Variants in HDAC1 observed in about 807,000 individuals in gnomAD.
The protein encoded by HDAC1 is histone deacetylase 1.
Under a neutral mutation model 65.5 loss-of-function variants are expected in HDAC1, and 18 were observed. The ratio of observed to expected loss-of-function variants is 0.27; its 90% CI spans 0.19 to 0.41. The LOEUF (loss-of-function observed/expected upper bound fraction) is 0.41, where lower values mean the gene tolerates loss of function less well. Among genes scored for constraint, HDAC1 ranks in the 10% least tolerant of loss-of-function variants. The probability of loss-of-function intolerance (pLI) is 1.00; values close to 1 mark genes in which losing one functional copy is unlikely to be tolerated. For missense variants in HDAC1, 373 were observed against 625.2 expected, an observed-to-expected ratio of 0.60 and a Z score of 4.30; for synonymous variants, 211 against 227.9, an observed-to-expected ratio of 0.93 and a Z score of 0.67.
At chr1:32,294,297 C>T (rs934889700) in intron 1 of HDAC1, among the ~76,000 whole-genome samples, 7 of 151,438 alleles carry the variant, frequency 4.6e-5, no homozygotes, top group African/African-American at 9.7e-5. Context: ...TACAGGCGTG[C>T]GCCACCATGC....
intron 2 of HDAC1, among the ~76,000 whole-genome samples, chr1:32,303,633 A>C (rs1296593406): frequency 1.3e-5 from 2 of 152,170 alleles, no homozygotes; most frequent in African/African-American, 2.4e-5. Context: ...AGAAGCTGGA[A>C]ATCCAGATTA....
Position 32,331,856 on chromosome 1 carries a change from C to G in HDAC1, c.1219+50C>G. 1 of 1,551,192 alleles carries G rather than the reference C, an allele frequency of 6.4e-7. No homozygotes were observed. The highest frequency in any genetic ancestry group is 1.2e-5 in the South Asian group (1 of 83,146). ...TGCCTTCCATTCAATAGGCAGCTCA[C>G]ACTTCCACCACCATTCCTGGCTGCA... On this transcript the variant is annotated intron_variant, in intron 11 of 13. Coordinates refer to ENST00000373548, the MANE Select transcript of HDAC1 (RefSeq NM_004964.3). The surrounding 1 kb of genome is among the most constrained non-coding windows in gnomAD (Gnocchi z 4.2).
At chr1:32,328,190 C>T (rs144250142) in intron 6 of HDAC1, among the ~76,000 whole-genome samples, 1,792 of 152,314 alleles carry the variant, frequency 0.012, 14 homozygotes, top group Admixed American at 0.024. Flanking sequence ...TGAACTGTTC[C>T]ATCTGCTTCT....
intron 2 of HDAC1, 67 bp downstream of exon 2, chr1:32,302,800 A>G: frequency 1.3e-6 from 1 of 779,162 alleles, no homozygotes; most frequent in East Asian, 2.5e-5. Flanking sequence ...GCCATTCATT[A>G]TCTCATTTTC....
At chr1:32,305,624 TC>T (rs1193689617) in intron 2 of HDAC1, among the ~76,000 whole-genome samples, 8 of 150,248 alleles carry the variant, frequency 5.3e-5, no homozygotes, top group Non-Finnish European at 8.9e-5. Context: ...TTTTTTTTTT[TC>T]CCTGAGACAA....
chr1:32,295,987 T>C (rs1434225031), intron 1 of HDAC1, among the ~76,000 whole-genome samples: 1 of 152,078 alleles, frequency 6.6e-6, no homozygotes, highest in Non-Finnish European at 1.5e-5. Context: ...AGGAAGTGGA[T>C]TGAGGAAAAG....
intron 3 of HDAC1, among the ~76,000 whole-genome samples, chr1:32,318,774 G>C (rs185690652): frequency 6.6e-6 from 1 of 152,224 alleles, no homozygotes; most frequent in African/African-American, 2.4e-5. Flanking sequence ...TGCAGGTTCT[G>C]CTCTGGTGCG....
rs1318727003 is a variant in HDAC1, at chr1:32,295,918, T to G, written c.49+3700T>G. On this transcript the variant is annotated intron_variant, in intron 1 of 13. Transcript: ENST00000373548. ...GCTAGCAATTTTAATTGTAGTAAAT[T>G]TAGTCATAAAGGATGCAGTCACCCA... Among the ~76,000 whole-genome samples the G allele has an allele frequency of 3.3e-5, 5 of 152,248 alleles. No homozygotes were observed. In the East Asian group the frequency reaches 9.6e-4, roughly 29 times the overall value.
intron 3 of HDAC1, among the ~76,000 whole-genome samples, chr1:32,318,346 C>T (rs569395153): frequency 2.0e-5 from 3 of 152,274 alleles, no homozygotes; most frequent in African/African-American, 7.2e-5. Context: ...TGCTTGAGCC[C>T]AGCCAGGAGT....
intron 2 of HDAC1, 37 bp from the exon 3 acceptor site, chr1:32,316,628 C>A (rs1457989703): frequency 3.2e-6 from 4 of 1,234,032 alleles, no homozygotes; most frequent in Middle Eastern, 2.3e-4. Context: ...TGGCCGTGGT[C>A]AAAAATAACT....
In HDAC1 at chr1:32,330,340, T is replaced by C; in HGVS notation, c.730-238T>C. 1 of 487,090 alleles carries C rather than the reference T, an allele frequency of 2.1e-6. No homozygotes were observed. Among genetic ancestry groups the C allele is most frequent in the South Asian group, 2.2e-5 (1 of 45,156 alleles). 30.2% of individuals were successfully genotyped at this position (487,090 alleles called of 1,614,324 possible). On this transcript the variant is annotated intron_variant, in intron 7 of 13. Transcript: ENST00000373548. The surrounding 1 kb of genome is among the most constrained non-coding windows in gnomAD (Gnocchi z 4.2). ...ACTTAGGGAGTTGAGAGGGAGGCCA[T>C]TCTAGGTTCAGTGTTACTAGAGTGT...
intron 1 of HDAC1, among the ~76,000 whole-genome samples, chr1:32,294,844 A>G (rs1427183060): frequency 6.7e-6 from 1 of 148,230 alleles, no homozygotes; most frequent in Non-Finnish European, 1.5e-5. Flanking sequence ...TTAAACTTCT[A>G]GAGATGGGGT....
At chr1:32,316,575 T>C in intron 2 of HDAC1, 90 bp from the exon 3 acceptor site, 1 of 761,762 alleles carries the variant, frequency 1.3e-6, no homozygotes. Flanking sequence ...CCTAGCTCCA[T>C]GCTGCGCAGG....
At chr1:32,320,253 A>C (rs1022523749) in intron 3 of HDAC1, among the ~76,000 whole-genome samples, 46 of 151,934 alleles carry the variant, frequency 3.0e-4, no homozygotes, top group Admixed American at 2.5e-3. Flanking sequence ...CACACACACA[A>C]AAACATCCCA....
At chr1:32,313,045 A>G (rs994026809) in intron 2 of HDAC1, among the ~76,000 whole-genome samples, 3 of 151,918 alleles carry the variant, frequency 2.0e-5, no homozygotes, top group Non-Finnish European at 4.4e-5. Flanking sequence ...ATCTGAACAC[A>G]TTCTGGCCTG....
chr1:32,300,362 G>C (rs149602794), intron 1 of HDAC1, among the ~76,000 whole-genome samples: 1 of 152,092 alleles, frequency 6.6e-6, no homozygotes, highest in African/African-American at 2.4e-5. Context: ...TTCCAGACCA[G>C]CCAGGCCAAC....
chr1:32,298,690 G>T (rs892804033), intron 1 of HDAC1, among the ~76,000 whole-genome samples: 5 of 152,080 alleles, frequency 3.3e-5, no homozygotes, highest in African/African-American at 1.2e-4. Context: ...AACAATGATG[G>T]GAAAGCTCTT....
At chr1:32,308,349 G>A (rs1384817136) in intron 2 of HDAC1, among the ~76,000 whole-genome samples, 1 of 151,992 alleles carries the variant, frequency 6.6e-6, no homozygotes, top group African/African-American at 2.4e-5. Flanking sequence ...TCGTCAACAG[G>A]GTGTCATTGA....
intron 1 of HDAC1, 43 bp downstream of exon 1, chr1:32,292,261 G>A (rs1005902121): frequency 1.3e-6 from 2 of 1,545,912 alleles, no homozygotes; most frequent in African/African-American, 2.7e-5. Context: ...AGGCCGGGCC[G>A]GACCGGGAAC....
Sources: gnomAD v4.1 joint callset for allele counts (sites outside exome capture counted in the v4.1 genomes callset) on GRCh38, gnomAD v4.1.1 for gene constraint, Gnocchi (gnomAD v3.1) non-coding constraint, MANE v1.5 for transcripts, NCBI Gene and HGNC (gene_info 2026-07-23, HGNC 2026-07-21) for gene names.